Variants in ASCC2 observed in about 807,000 individuals in gnomAD.
ASCC2 encodes the protein ASC-1 complex subunit P100.
In ASCC2, 42 loss-of-function variants were observed where a neutral mutation model predicts 93.5. The ratio of observed to expected loss-of-function variants is 0.45; its 90% CI spans 0.35 to 0.58. The LOEUF is 0.58. ASCC2 is among the 20% of genes least tolerant of loss of function. The probability of loss-of-function intolerance (pLI) is 0.00; values close to 1 mark genes in which losing one functional copy is unlikely to be tolerated. For synonymous variants in ASCC2, 364 were observed against 384.2 expected, an observed-to-expected ratio of 0.95 and a Z score of 0.62; for missense variants, 859 against 977.6, an observed-to-expected ratio of 0.88 and a Z score of 1.62.
chr22:29,821,885 G>A (rs1244230047), intron 5 of ASCC2: 1 of 427,118 alleles, frequency 2.3e-6, no homozygotes, highest in Non-Finnish European at 4.6e-6. Context: ...TGTAGTCCCA[G>A]GTACCTGGGA....
chr22:29,789,257 G>T, intron 19 of ASCC2, 73 bp from the exon 20 acceptor site: 1 of 1,563,820 alleles, frequency 6.4e-7, no homozygotes, highest in East Asian at 2.2e-5. Context: ...CCCACAGCCT[G>T]CCTTGGTGTT....
At chr22:29,836,491 T>A (rs1602336772) in intron 1 of ASCC2, 1 of 150,610 alleles carries the variant, frequency 6.6e-6, no homozygotes, top group South Asian at 2.1e-4. Flanking sequence ...CAGAAAGAGA[T>A]GATGATAACC....
chr22:29,820,745 A>C (rs2061450319), intron 5 of ASCC2, among the ~76,000 whole-genome samples: 1 of 151,796 alleles, frequency 6.6e-6, no homozygotes, highest in African/African-American at 2.4e-5. Flanking sequence ...GACCAGCCTG[A>C]TCAACGTGGA....
At chr22:29,832,223 T>C (rs2063238296) in intron 2 of ASCC2, 22 bp downstream of exon 2, 3 of 1,588,772 alleles carry the variant, frequency 1.9e-6, no homozygotes, top group African/African-American at 1.3e-5. Flanking sequence ...TCAGGCTGAA[T>C]GGCCTTAAGT....
chr22:29,794,151 C>T (rs1191750381), intron 15 of ASCC2, among the ~76,000 whole-genome samples: 1 of 151,134 alleles, frequency 6.6e-6, no homozygotes, highest in East Asian at 2.0e-4. Flanking sequence ...TCCCAAAGTG[C>T]TGGGATTACA....
At chr22:29,832,571 G>T in intron 1 of ASCC2, 3 of 358,018 alleles carry the variant, frequency 8.4e-6, no homozygotes, top group Non-Finnish European at 1.0e-5. Context: ...GATGACTTCT[G>T]ATATATTTCC....
rs9625865 is a variant in ASCC2, at chr22:29,816,209, G to C, written c.542-136C>G. Reference sequence around the variant, plus strand: ...TAATCCTATCTGCAGCTAGGACCTAGGACGAGTCCTGGCCCCAGGCCCTGC... The same window carrying C: ...TAATCCTATCTGCAGCTAGGACCTACGACGAGTCCTGGCCCCAGGCCCTGC... On this transcript the variant is annotated intron_variant, in intron 5 of 19. Transcript: ENST00000307790. 1.9e-3 allele frequency: 1,424 copies of C among 737,120 alleles called. 17 individuals are homozygous for C. In the African/African-American group the frequency reaches 0.022, roughly 11 times the overall value. 45.7% of individuals were successfully genotyped at this position (737,120 alleles called of 1,614,324 possible).
chr22:29,830,292 A>T (rs1246780325), intron 2 of ASCC2, among the ~76,000 whole-genome samples: 6 of 152,206 alleles, frequency 3.9e-5, no homozygotes, highest in Non-Finnish European at 7.4e-5. Context: ...GAGGTTCAAT[A>T]ACTTGCCCAA....
chr22:29,789,890 C>T (rs1419473082), intron 19 of ASCC2, among the ~76,000 whole-genome samples: 1 of 152,180 alleles, frequency 6.6e-6, no homozygotes, highest in Non-Finnish European at 1.5e-5. Context: ...AATGTTTCCT[C>T]ACTGGGAAGA....
intron 8 of ASCC2, among the ~76,000 whole-genome samples, chr22:29,809,078 C>T (rs1269794889): frequency 1.3e-5 from 2 of 150,004 alleles, no homozygotes; most frequent in Non-Finnish European, 3.0e-5. Context: ...CAAGATCGCC[C>T]CCCACTGAAC....
intron 8 of ASCC2, among the ~76,000 whole-genome samples, chr22:29,812,431 G>A (rs1349997353): frequency 6.6e-6 from 1 of 152,186 alleles, no homozygotes; most frequent in Non-Finnish European, 1.5e-5. Flanking sequence ...AAGTGGGTCT[G>A]CCTCCCTGGC....
Position 29,793,402 on chromosome 22 carries a change from C to A in ASCC2, c.1877G>T (p.Gly626Val). ...YDDTYDGNQV[G>V]ANDADSDDEL... ...GTCATCAGAGTCTGCATCATTGGCG[C>A]CCACCTGGTTGCCATCGTATGTGTC... The change falls in exon 17 of 20, where the codon GGC becomes GTC. Residue 626 changes from glycine to valine, a missense_variant. Physicochemically the swap from Gly to Val is moderately radical, Grantham distance 109. Transcript: ENST00000307790. 1.2e-6 allele frequency: 2 copies of A among 1,614,028 alleles called. No homozygotes were observed. The highest frequency in any genetic ancestry group is 1.7e-6 in the Non-Finnish European group (2 of 1,180,038).
At chr22:29,814,526 G>A (rs1346329285) in intron 7 of ASCC2, 131 bp downstream of exon 7, 1 of 645,218 alleles carries the variant, frequency 1.5e-6, no homozygotes, top group Admixed American at 3.5e-5. Context: ...TCACTGTGCT[G>A]GAGGAAGGGG....
chr22:29,793,373 G>A lies in ASCC2; in HGVS notation c.1906C>T (p.Leu636Phe), dbSNP rs1161121853. 3 of 1,613,690 alleles carry A rather than the reference G, an allele frequency of 1.9e-6. No individual in the cohort carries two copies. The highest frequency in any genetic ancestry group is 2.5e-6 in the Non-Finnish European group (3 of 1,180,034). Residue 636 changes from leucine to phenylalanine, a missense_variant, in exon 17 of 20, where the codon CTC becomes TTC. Leu to Phe is a conservative substitution (Grantham distance 22). Coordinates refer to ENST00000307790, the MANE Select transcript of ASCC2 (RefSeq NM_032204.5). ...GANDADSDDE[L>F]ISRRPFTIPQ... ...CTATGGCCTCACCTGCGGCTGATGA[G>A]CTCGTCATCAGAGTCTGCATCATTG...
Position 29,825,769 on chromosome 22 carries a change from C to T in ASCC2, c.93G>A (p.Gln31=). 6.2e-7 allele frequency: 1 copy of T among 1,609,568 alleles called. No individual in the cohort carries two copies. ...ATAACACAAAATACCGGTCTGCCTT[C>T]TGCTCGGGGTGCTACGGATCCAAAA... ...LRTSPALHPE[Q]KADRYFVLYK... The change falls in exon 3 of 20, where the codon CAG becomes CAA. Residue 31 remains glutamine (Q), a synonymous_variant. Transcript: ENST00000307790. The surrounding 1 kb of genome is among the most constrained non-coding windows in gnomAD (Gnocchi z 4.9).
intron 2 of ASCC2, among the ~76,000 whole-genome samples, chr22:29,831,906 C>T (rs570352310): frequency 2.5e-4 from 38 of 152,312 alleles, no homozygotes; most frequent in African/African-American, 7.9e-4. Context: ...AACCTGAACA[C>T]CCTCCACAGG....
Position 29,825,867 on chromosome 22 carries a change from C to T in ASCC2, c.82-87G>A. On this transcript the variant is annotated intron_variant, in intron 2 of 19. Transcript: ENST00000307790. This position sits in a 1 kb window ranked among gnomAD's most constrained non-coding sequence, Gnocchi z 4.9. Reference sequence around the variant, plus strand: ...AACCCACAGCAATGACAACACTTGGCTGTTCCAACCGGTGACCCTCCAAGG... The same window carrying T: ...AACCCACAGCAATGACAACACTTGGTTGTTCCAACCGGTGACCCTCCAAGG... 1 of 1,475,984 alleles carries T rather than the reference C, an allele frequency of 6.8e-7. No homozygotes were observed. Among genetic ancestry groups the T allele is most frequent in the Non-Finnish European group, 9.2e-7 (1 of 1,092,852 alleles). 91.4% of individuals were successfully genotyped at this position (1,475,984 alleles called of 1,614,324 possible).
chr22:29,792,394 T>G, intron 18 of ASCC2, 39 bp downstream of exon 18: 1 of 1,611,206 alleles, frequency 6.2e-7, no homozygotes, highest in Non-Finnish European at 8.5e-7. Flanking sequence ...CCCTCAGAAC[T>G]GCACTCTCCC....
intron 18 of ASCC2, among the ~76,000 whole-genome samples, chr22:29,791,040 C>T (rs1469891704): frequency 6.6e-6 from 1 of 152,026 alleles, no homozygotes; most frequent in African/African-American, 2.4e-5. Flanking sequence ...AAACTGGGAC[C>T]TAGGGACCAC....
Sources: gnomAD v4.1 joint callset for allele counts (sites outside exome capture counted in the v4.1 genomes callset) on GRCh38, gnomAD v4.1.1 for gene constraint, Gnocchi (gnomAD v3.1) non-coding constraint, MANE v1.5 for transcripts, NCBI Gene and HGNC (gene_info 2026-07-23, HGNC 2026-07-21) for gene names.